CNTN6: variants seen among roughly 807,000 people sequenced by gnomAD.
The protein encoded by CNTN6 is contactin 6.
CNTN6 carries 137 observed loss-of-function variants against 122.8 expected under a neutral mutation model. The ratio of observed to expected loss-of-function variants is 1.12; its 90% CI spans 0.97 to 1.29. The LOEUF (loss-of-function observed/expected upper bound fraction) is 1.29, where lower values mean the gene tolerates loss of function less well. Ranked by LOEUF, CNTN6 falls within the 50% of genes most tolerant of loss-of-function variation. The pLI is 0.00. For missense variants in CNTN6, 1,634 were observed against 1,223.4 expected, an observed-to-expected ratio of 1.34 and a Z score of -5.01; for synonymous variants, 570 against 426.0, an observed-to-expected ratio of 1.34 and a Z score of -4.16.
intron 1 of CNTN6, among the ~76,000 whole-genome samples, chr3:1,142,968 GTATATATATATATATATA>G (rs3043051): frequency 2.3e-5 from 3 of 128,654 alleles, no homozygotes; most frequent in Non-Finnish European, 3.2e-5. Flanking sequence ...GTGTGTGTGT[GTATATATATATATATATA>G]TATATATATA....
At chr3:1,383,609 C>G (rs1437200069) in intron 19 of CNTN6, among the ~76,000 whole-genome samples, 2 of 151,750 alleles carry the variant, frequency 1.3e-5, no homozygotes, top group African/African-American at 2.4e-5. Context: ...TGTCCTCGCT[C>G]AAGACAGAAT....
At chr3:1,285,416 G>T (rs1694160109) in intron 5 of CNTN6, among the ~76,000 whole-genome samples, 2 of 152,228 alleles carry the variant, frequency 1.3e-5, no homozygotes, top group South Asian at 4.1e-4. Context: ...AGATACAAGG[G>T]TGAAAGTTTC....
chr3:1,246,093 G>A (rs2094579761), intron 4 of CNTN6, among the ~76,000 whole-genome samples: 1 of 152,008 alleles, frequency 6.6e-6, no homozygotes, highest in Non-Finnish European at 1.5e-5. Context: ...ATACAGAAAA[G>A]TACAAAAAAC....
intron 7 of CNTN6, among the ~76,000 whole-genome samples, chr3:1,300,566 AAAGAAAGAAAGAAAG>A (rs972872074): frequency 1.3e-4 from 5 of 39,492 alleles, no homozygotes; most frequent in African/African-American, 7.8e-4. Context: ...AAAAAGAAAG[AAAGAAAGAAAGAAAG>A]AAAGAAAGAA....
At chr3:1,106,904 C>T (rs1044889299) in intron 1 of CNTN6, among the ~76,000 whole-genome samples, 13 of 152,000 alleles carry the variant, frequency 8.6e-5, no homozygotes, top group African/African-American at 2.4e-4. Context: ...AATAAAACAG[C>T]GTTGAGTTAC....
chr3:1,328,819 T>C (rs1418464728), intron 10 of CNTN6, among the ~76,000 whole-genome samples: 1 of 151,640 alleles, frequency 6.6e-6, no homozygotes, highest in African/African-American at 2.4e-5. Context: ...ACTGGACACA[T>C]GGATTCCAAC....
chr3:1,252,074 T>C (rs2094680944), intron 4 of CNTN6, among the ~76,000 whole-genome samples: 2 of 152,200 alleles, frequency 1.3e-5, no homozygotes, highest in South Asian at 4.1e-4. Context: ...ATCCCATCTA[T>C]CACATACCAT....
chr3:1,345,386 G>A (rs932086550), intron 11 of CNTN6, among the ~76,000 whole-genome samples: 1 of 152,018 alleles, frequency 6.6e-6, no homozygotes, highest in Non-Finnish European at 1.5e-5. Context: ...AGTGTGCTGG[G>A]ATTACAGGCA....
intron 4 of CNTN6, among the ~76,000 whole-genome samples, chr3:1,256,262 G>A (rs2094756830): frequency 6.6e-6 from 1 of 152,086 alleles, no homozygotes; most frequent in Admixed American, 6.6e-5. Flanking sequence ...TAATCTGGGA[G>A]CCTATTGAGT....
At chr3:1,221,645 T>G (rs570846037) in intron 3 of CNTN6, among the ~76,000 whole-genome samples, 28 of 152,326 alleles carry the variant, frequency 1.8e-4, no homozygotes, top group African/African-American at 6.0e-4. Flanking sequence ...ATTTATCAAG[T>G]TGTAGCAAAG....
rs1195640874 is a variant in CNTN6 at position 1,393,572 on chromosome 3, AAAG to A, written c.2704+7778_2704+7780del. Among the ~76,000 whole-genome samples, 32 of 81,534 alleles carry A rather than the reference AAAG, an allele frequency of 3.9e-4. 1 individual carries two copies. Among genetic ancestry groups the A allele is most frequent in the Non-Finnish European group, 5.6e-4 (15 of 26,764 alleles). The allele number at this position is 81,534 out of a possible 152,430, so 53.5% of individuals were successfully genotyped here. A position where few individuals can be genotyped will look rare whatever the true frequency, so the allele number is the denominator to read the frequency against. The stretch of plus-strand genomic sequence containing the variant: ...TAAAGAAGTAAAAAAAAAAAAAAAA[AAAG>A]AAACTCTTGTGTGTAATTCAGTTTC... On this transcript the variant is annotated intron_variant, in intron 20 of 22. Transcript: ENST00000446702.
Position 1,401,248 on chromosome 3 carries a change from A to T in CNTN6, c.2705-185A>T, listed in dbSNP as rs193095962. 11 of 531,016 alleles carry T rather than the reference A, an allele frequency of 2.1e-5. No individual in the cohort carries two copies. The Admixed American group carries it at 3.3e-4, about 16-fold the overall frequency. 32.9% of individuals were successfully genotyped at this position (531,016 alleles called of 1,614,324 possible). A position where few individuals can be genotyped will look rare whatever the true frequency, so the allele number is the denominator to read the frequency against. The stretch of plus-strand genomic sequence containing the variant: ...AAGTCTGTCACAAAGGCATTCCCAA[A>T]TGACCAGATTTGAATAAATTTGCTT... On this transcript the variant is annotated intron_variant, in intron 20 of 22. Transcript: ENST00000446702.
intron 4 of CNTN6, among the ~76,000 whole-genome samples, chr3:1,241,862 C>G (rs1014898342): frequency 6.6e-6 from 1 of 152,180 alleles, no homozygotes; most frequent in Non-Finnish European, 1.5e-5. Flanking sequence ...TTGAAGGCCT[C>G]TAAAAGTATT....
At chr3:1,358,594 TGGGGTTGAA>T (rs1706970251) in intron 12 of CNTN6, among the ~76,000 whole-genome samples, 2 of 152,092 alleles carry the variant, frequency 1.3e-5, no homozygotes, top group African/African-American at 4.8e-5. Context: ...AAAAGAGGAA[TGGGGTTGAA>T]GGGCGTGGAA....
intron 1 of CNTN6, among the ~76,000 whole-genome samples, chr3:1,100,292 G>A (rs557818521): frequency 6.6e-6 from 1 of 152,082 alleles, no homozygotes; most frequent in Non-Finnish European, 1.5e-5. Flanking sequence ...ACTCTATGTG[G>A]AAGATACTTT....
Position 1,383,138 on chromosome 3 carries a change from C to T in CNTN6, c.2363C>T (p.Ser788Phe). ...VGVYNNEGEG[S>F]LSTVTIVYSG... ...GTGTATAATAATGAAGGAGAAGGAT[C>T]CCTGAGTACTGTGACCATTGTCTAC... is the stretch of plus-strand genomic sequence containing the variant. The change falls in exon 18 of 23, where the codon TCC becomes TTC. Residue 788 changes from serine to phenylalanine, a missense_variant. Ser to Phe is a radical substitution (Grantham distance 155). Coordinates refer to ENST00000446702, the MANE Select transcript of CNTN6 (RefSeq NM_001289080.2). 6.2e-7 allele frequency: 1 copy of T among 1,613,972 alleles called. No individual in the cohort carries two copies. The highest frequency in any genetic ancestry group is 1.3e-5 in the African/African-American group (1 of 75,034).
intron 7 of CNTN6, among the ~76,000 whole-genome samples, chr3:1,320,908 G>T (rs1014212124): frequency 2.0e-5 from 3 of 151,600 alleles, no homozygotes; most frequent in African/African-American, 7.3e-5. Context: ...ATAGATATGA[G>T]AAAGTAGACG....
intron 11 of CNTN6, among the ~76,000 whole-genome samples, chr3:1,331,484 C>A (rs780484239): frequency 6.6e-6 from 1 of 151,982 alleles, no homozygotes; most frequent in Non-Finnish European, 1.5e-5. Context: ...GTTGTCCTGA[C>A]TCAGGTTGGG....
At chr3:1,380,012 A>G (rs17038407) in intron 17 of CNTN6, among the ~76,000 whole-genome samples, 8,483 of 152,278 alleles carry the variant, frequency 0.056, 280 homozygotes, top group African/African-American at 0.084. Context: ...AGCGTAGAGG[A>G]CAGAATGGTC....
Sources: allele counts gnomAD v4.1 joint callset (sites outside exome capture counted in the v4.1 genomes callset), GRCh38; gene constraint gnomAD v4.1.1; transcripts MANE v1.5; gene names NCBI Gene and HGNC (gene_info 2026-07-23, HGNC 2026-07-21).